PRSS38: variants seen among roughly 807,000 people sequenced by gnomAD.
The protein encoded by PRSS38 is serine protease 38, also known as marapsin 2.
PRSS38 carries 22 observed loss-of-function variants against 26.8 expected under a neutral mutation model. The ratio of observed to expected loss-of-function variants is 0.82; its 90% CI spans 0.59 to 1.17. The LOEUF (loss-of-function observed/expected upper bound fraction) is 1.17. Ranked by LOEUF, PRSS38 falls within the 50% of genes most tolerant of loss-of-function variation. PRSS38 has a pLI of 0.00. For synonymous variants in PRSS38, 175 were observed against 172.1 expected (o/e 1.02, Z -0.13); for missense variants, 427 against 422.7 (o/e 1.01, Z -0.09).
intron 3 of PRSS38, among the ~76,000 whole-genome samples, chr1:227,841,406 G>A (rs1411311768): frequency 2.6e-5 from 4 of 152,362 alleles, no homozygotes; most frequent in East Asian, 1.9e-4. Context: ...ACCGCACCTC[G>A]ATGAGAGGAA....
intron 3 of PRSS38, among the ~76,000 whole-genome samples, chr1:227,842,515 C>T (rs1665352547): frequency 6.6e-6 from 1 of 152,066 alleles, no homozygotes. Context: ...AGAGCATTGA[C>T]AATAACGTAT....
chr1:227,844,798 C>T (rs1323125500), intron 3 of PRSS38, among the ~76,000 whole-genome samples: 1 of 148,584 alleles, frequency 6.7e-6, no homozygotes, highest in Non-Finnish European at 1.5e-5. Context: ...CAGGGTTCCT[C>T]CCTGTGTATG....
chr1:227,821,000 GA>G (rs1664995699), intron 3 of PRSS38, among the ~76,000 whole-genome samples: 1 of 152,104 alleles, frequency 6.6e-6, no homozygotes, highest in Non-Finnish European at 1.5e-5. Context: ...TCATTTGCAA[GA>G]TAAGTTATTT....
At chr1:227,844,108 CTTTTG>C (rs1429334444) in intron 3 of PRSS38, among the ~76,000 whole-genome samples, 1 of 152,220 alleles carries the variant, frequency 6.6e-6, no homozygotes, top group African/African-American at 2.4e-5. Flanking sequence ...TGTCTGACAT[CTTTTG>C]TTTTAACTTT....
At chr1:227,824,119 T>C (rs1168151252) in intron 3 of PRSS38, among the ~76,000 whole-genome samples, 1 of 152,212 alleles carries the variant, frequency 6.6e-6, no homozygotes, top group Non-Finnish European at 1.5e-5. Context: ...AGTTTTGTTA[T>C]GTAGGTAAAC....
chr1:227,815,797 TC>T lies in PRSS38; in HGVS notation c.85del (p.Arg29GlyfsTer17). 1 of 1,612,294 alleles carries T rather than the reference TC, an allele frequency of 6.2e-7. No individual in the cohort carries two copies. Among genetic ancestry groups the T allele is most frequent in the Non-Finnish European group, 8.5e-7 (1 of 1,179,032 alleles). ...TGCTGCTGCTCCTGGTGGTGGCCCC[TC>T]CCCGGGTCGCAGCATTGGTCCACAG... On this transcript the variant is annotated frameshift_variant, in exon 1 of 5. Transcript: ENST00000366757. LOFTEE classifies it high-confidence loss of function.
chr1:227,837,637 T>A (rs560424807), intron 3 of PRSS38, among the ~76,000 whole-genome samples: 19 of 152,332 alleles, frequency 1.2e-4, no homozygotes, highest in Admixed American at 3.9e-4. Context: ...GGCTGTGGTG[T>A]AGGGATAAAT....
At chr1:227,826,730 A>G (rs1665079575) in intron 3 of PRSS38, among the ~76,000 whole-genome samples, 1 of 151,632 alleles carries the variant, frequency 6.6e-6, no homozygotes, top group African/African-American at 2.4e-5. Flanking sequence ...AAAAAAAAAA[A>G]GTGGTGAGAG....
exon 1 of PRSS38, chr1:227,815,842 A>G: frequency 1.9e-6 from 3 of 1,610,588 alleles, no homozygotes; most frequent in Non-Finnish European, 2.5e-6. Flanking sequence ...AGAACCAGGG[A>G]ATCTCCCTAA....
intron 3 of PRSS38, among the ~76,000 whole-genome samples, chr1:227,838,603 G>A (rs1473581073): frequency 6.6e-6 from 1 of 152,152 alleles, no homozygotes; most frequent in Non-Finnish European, 1.5e-5. Context: ...CGTCTCCTTG[G>A]CTACTTCTTA....
chr1:227,815,709 C>G (rs371190740), exon 1 of PRSS38: 1 of 1,576,290 alleles, frequency 6.3e-7, no homozygotes, highest in South Asian at 1.1e-5. Context: ...GGCGCTGCCT[C>G]GAGCCTCATG....
At chr1:227,815,917 G>A (rs544975242) in intron 1 of PRSS38, 53 bp downstream of exon 1, 61 of 1,549,816 alleles carry the variant, frequency 3.9e-5, no homozygotes, top group Admixed American at 2.6e-4. Context: ...CCCTTGGGGC[G>A]TCTGTCGGTG....
At chr1:227,833,244 A>G (rs1186425391) in intron 3 of PRSS38, among the ~76,000 whole-genome samples, 1 of 152,190 alleles carries the variant, frequency 6.6e-6, no homozygotes, top group Non-Finnish European at 1.5e-5. Context: ...AAAGAACAAC[A>G]TGGCCGAGTG....
chr1:227,836,425 C>T (rs1665239413), intron 3 of PRSS38, among the ~76,000 whole-genome samples: 1 of 3,874 alleles, frequency 2.6e-4, no homozygotes, highest in African/African-American at 8.4e-4. Flanking sequence ...CGGTGGCTCA[C>T]GCCTGTAATC....
intron 3 of PRSS38, among the ~76,000 whole-genome samples, chr1:227,843,718 T>A (rs1273811303): frequency 2.9e-5 from 4 of 138,416 alleles, no homozygotes; most frequent in Non-Finnish European, 6.2e-5. Flanking sequence ...AAAAAAAAAA[T>A]GTCAAACAAA....
At chr1:227,845,702 G>A (rs1665418769) in intron 4 of PRSS38, 90 bp downstream of exon 4, 3 of 1,461,404 alleles carry the variant, frequency 2.1e-6, no homozygotes, top group South Asian at 2.5e-5. Flanking sequence ...CCACTGACTA[G>A]CAGGAGCCCT....
chr1:227,816,168 G>A lies in PRSS38; in HGVS notation c.227G>A (p.Ser76Asn). Reference sequence around the variant, plus strand: ...GAGAGGAAGTGGCCGTGGCAGGTCAGCGTGCACTACGCAGGCCTCCACGTC... The same window carrying A: ...GAGAGGAAGTGGCCGTGGCAGGTCAACGTGCACTACGCAGGCCTCCACGTC... The change falls in exon 2 of 5, where the codon AGC becomes AAC. Residue 76 changes from serine to asparagine, a missense_variant. By Grantham distance (46) the Ser-to-Asn change is conservative (BLOSUM62 1). Coordinates refer to ENST00000366757, the Ensembl canonical transcript of PRSS38. The surrounding 1 kb of genome is among the most constrained non-coding windows in gnomAD (Gnocchi z 5.1). The A allele has an allele frequency of 6.2e-7, 1 of 1,613,662 alleles. No homozygotes were observed. The highest frequency in any genetic ancestry group is 2.2e-5 in the East Asian group (1 of 44,872).
rs2102670575 is a variant in PRSS38 at position 227,816,268 on chromosome 1, C to T, written c.311+16C>T. On this transcript the variant is annotated intron_variant, in intron 2 of 4. Transcript: ENST00000366757. This position sits in a 1 kb window ranked among gnomAD's most constrained non-coding sequence, Gnocchi z 5.1. ...GCTTTCACAGGTAAGCGGGCGCCGG[C>T]CTGGGATGGTGTGGGTAGCTGGGCC... is the stretch of plus-strand genomic sequence containing the variant. The T allele has an allele frequency of 1.2e-6, 2 of 1,603,602 alleles. No individual in the cohort carries two copies. The highest frequency in any genetic ancestry group is 2.2e-5 in the East Asian group (1 of 44,576).
intron 3 of PRSS38, among the ~76,000 whole-genome samples, chr1:227,820,028 G>A (rs867155558): frequency 1.7e-4 from 24 of 142,220 alleles, no homozygotes; most frequent in Non-Finnish European, 2.7e-4. Flanking sequence ...GGTGGAGGTT[G>A]CAGTGAGCTG....
Sources: allele counts gnomAD v4.1 joint callset (sites outside exome capture counted in the v4.1 genomes callset), GRCh38; gene constraint gnomAD v4.1.1; non-coding constraint Gnocchi (gnomAD v3.1); transcripts MANE v1.5; gene names NCBI Gene and HGNC (gene_info 2026-07-23, HGNC 2026-07-21).